LIMCH1: variants seen among roughly 807,000 people sequenced by gnomAD.
The protein encoded by LIMCH1 is LIM and calponin homology domains-containing protein 1.
Under a neutral mutation model 176.5 loss-of-function variants are expected in LIMCH1, and 113 were observed. That is an observed-to-expected ratio of 0.64 (90% CI 0.55 to 0.75). The LOEUF (loss-of-function observed/expected upper bound fraction) is 0.75. Ranked by LOEUF, LIMCH1 falls within the 30% of genes least tolerant of loss-of-function variation. The probability of loss-of-function intolerance (pLI) is 0.00; values close to 1 mark genes in which losing one functional copy is unlikely to be tolerated. For missense variants in LIMCH1, 1,674 were observed against 1,814.9 expected (o/e 0.92, Z 1.41); for synonymous variants, 619 against 645.9 (o/e 0.96, Z 0.63).
intron 1 of LIMCH1, among the ~76,000 whole-genome samples, chr4:41,420,522 C>A (rs1184665030): frequency 2.0e-5 from 3 of 152,172 alleles, no homozygotes; most frequent in Non-Finnish European, 2.9e-5. Flanking sequence ...CCTTTATTTG[C>A]CAACTTTATT....
intron 2 of LIMCH1, among the ~76,000 whole-genome samples, chr4:41,506,378 G>A (rs2074160999): frequency 6.6e-6 from 1 of 152,194 alleles, no homozygotes; most frequent in South Asian, 2.1e-4. Context: ...CAGGTTGAGG[G>A]TTGATGGTGT....
intron 27 of LIMCH1, among the ~76,000 whole-genome samples, 197 bp downstream of exon 27, chr4:41,684,715 G>A (rs1416354435): frequency 1.3e-5 from 2 of 152,044 alleles, no homozygotes; most frequent in Non-Finnish European, 2.9e-5. Context: ...GGGACTCAGT[G>A]AGACCTGAGA....
At chr4:41,382,208 A>G (rs887210742) in intron 1 of LIMCH1, among the ~76,000 whole-genome samples, 6 of 152,190 alleles carry the variant, frequency 3.9e-5, no homozygotes, top group African/African-American at 1.2e-4. Context: ...ACATGGAAAC[A>G]TGGAAGTGGG....
chr4:41,690,988 T>C (rs539925280), intron 30 of LIMCH1, among the ~76,000 whole-genome samples: 4 of 152,270 alleles, frequency 2.6e-5, no homozygotes, highest in Non-Finnish European at 4.4e-5. Context: ...CAAGATAATA[T>C]GCATTCTGAG....
At chr4:41,371,390 A>T (rs528268674) in intron 1 of LIMCH1, among the ~76,000 whole-genome samples, 1 of 152,182 alleles carries the variant, frequency 6.6e-6, no homozygotes, top group Non-Finnish European at 1.5e-5. Flanking sequence ...CAGGAGCCCA[A>T]TGAACCATCA....
intron 1 of LIMCH1, among the ~76,000 whole-genome samples, chr4:41,594,706 A>G (rs1299071030): frequency 6.6e-6 from 1 of 152,064 alleles, no homozygotes; most frequent in Non-Finnish European, 1.5e-5. Flanking sequence ...TCTAGCCCAA[A>G]TTGTTTGGGC....
At chr4:41,606,084 T>A in intron 4 of LIMCH1, 80 bp downstream of exon 4, 1 of 950,260 alleles carries the variant, frequency 1.1e-6, no homozygotes, top group Non-Finnish European at 1.7e-6. Context: ...TTAAGATTAC[T>A]AGAGTACTGG....
At chr4:41,683,504 G>A (rs1214088245) in intron 26 of LIMCH1, among the ~76,000 whole-genome samples, 1 of 152,208 alleles carries the variant, frequency 6.6e-6, no homozygotes, top group Non-Finnish European at 1.5e-5. Context: ...GGGGCTCTGA[G>A]TTACCAGATA....
chr4:41,556,317 C>A (rs1379255319), intron 1 of LIMCH1, among the ~76,000 whole-genome samples: 1 of 149,472 alleles, frequency 6.7e-6, no homozygotes, highest in African/African-American at 2.5e-5. Context: ...ATTGCTTGAA[C>A]CTGGGAGGCA....
At chr4:41,544,477 G>A (rs1405626001) in intron 1 of LIMCH1, among the ~76,000 whole-genome samples, 1 of 152,140 alleles carries the variant, frequency 6.6e-6, no homozygotes, top group Non-Finnish European at 1.5e-5. Context: ...AGTCTGGGAG[G>A]CCTCTAATGT....
At position 41,697,474 on chromosome 4, in the gene LIMCH1, T is replaced by C. The variant is rs1462748547; in HGVS notation, c.*289T>C. 5.3e-6 allele frequency: 2 copies of C among 380,098 alleles called. No individual in the cohort carries two copies. The highest frequency in any genetic ancestry group is 4.1e-5 in the Admixed American group (1 of 24,144). 23.5% of individuals were successfully genotyped at this position (380,098 alleles called of 1,614,324 possible). On this transcript the variant is annotated 3_prime_UTR_variant, in exon 32 of 32. Coordinates refer to ENST00000503057, the MANE Select transcript of LIMCH1 (RefSeq NM_001330672.2). ...GTTTTAGCATGGTCAAACAGGCTTA[T>C]GGTTTAAAATGTGTTATTCTCTTCT... is the stretch of plus-strand genomic sequence containing the variant.
At chr4:41,483,640 A>G (rs540126966) in intron 1 of LIMCH1, among the ~76,000 whole-genome samples, 53 of 152,204 alleles carry the variant, frequency 3.5e-4, no homozygotes, top group African/African-American at 1.2e-3. Context: ...CACCCTTCTC[A>G]TCCCCACCTG....
At chr4:41,588,777 C>G (rs763816607) in intron 1 of LIMCH1, among the ~76,000 whole-genome samples, 145 of 152,318 alleles carry the variant, frequency 9.5e-4, no homozygotes, top group Non-Finnish European at 1.7e-3. Context: ...CCCCTTACCA[C>G]ATGGCAGAGA....
intron 1 of LIMCH1, among the ~76,000 whole-genome samples, chr4:41,416,076 T>C (rs2059909622): frequency 6.6e-6 from 1 of 152,128 alleles, no homozygotes; most frequent in African/African-American, 2.4e-5. Context: ...ACTGACTTAG[T>C]AAAGATTTGT....
intron 9 of LIMCH1, 95 bp downstream of exon 9, chr4:41,629,829 T>G (rs1007745137): frequency 9.9e-6 from 13 of 1,312,760 alleles, no homozygotes; most frequent in South Asian, 9.3e-5. Flanking sequence ...TTTTTTTTTG[T>G]CAGGGTCTTG....
chr4:41,674,347 C>G (rs565857728), intron 22 of LIMCH1, among the ~76,000 whole-genome samples: 2 of 152,324 alleles, frequency 1.3e-5, no homozygotes, highest in South Asian at 4.1e-4. Flanking sequence ...TTCACATAAA[C>G]ATCCCCTTTT....
rs575893103 is a variant in LIMCH1, at chr4:41,463,385, C to A, written c.97-31151C>A. Among the ~76,000 whole-genome samples the A allele has an allele frequency of 1.4e-4, 21 of 152,106 alleles. No homozygotes were observed. In the South Asian group the frequency reaches 1.9e-3, roughly 14 times the overall value. On this transcript the variant is annotated intron_variant, in intron 1 of 26. Transcript: ENST00000313860. ...AGAAAAAAATGAGAAAGGTTTAATG[C>A]TTTTCCCATTGGTAGTAAATCTGTG... is the stretch of plus-strand genomic sequence containing the variant.
Position 41,401,639 on chromosome 4 carries a change from C to T in LIMCH1, c.96+40703C>T, listed in dbSNP as rs1241698576. 2.6e-5 allele frequency among the ~76,000 whole-genome samples: 4 copies of T among 151,994 alleles called. No homozygotes were observed. In the South Asian group the frequency reaches 6.3e-4, roughly 24 times the overall value. On this transcript the variant is annotated intron_variant, in intron 1 of 26. Coordinates refer to the LIMCH1 transcript ENST00000313860. ...ACCTTGGGCAGTATGGCCATTTTCA[C>T]GATATTGATTCTTCCTACCCATGAG... is the stretch of plus-strand genomic sequence containing the variant.
chr4:41,375,290 A>G (rs2054568709), intron 1 of LIMCH1, among the ~76,000 whole-genome samples: 3 of 152,218 alleles, frequency 2.0e-5, no homozygotes, highest in Non-Finnish European at 4.4e-5. Context: ...CTATTTTTAT[A>G]AGACTAGAAC....
Sources: gnomAD v4.1 joint callset for allele counts (sites outside exome capture counted in the v4.1 genomes callset) on GRCh38, gnomAD v4.1.1 for gene constraint, MANE v1.5 for transcripts, NCBI Gene and HGNC (gene_info 2026-07-23, HGNC 2026-07-21) for gene names.